The following R3HDM2 variants were observed in gnomAD, a reference collection of about 807,000 sequenced individuals.
R3HDM2 encodes the protein R3H domain-containing protein 2.
A neutral mutation model predicts 124.5 loss-of-function variants in R3HDM2; 38 were observed. The observed-to-expected ratio is 0.31, with a 90% CI of 0.24 to 0.40. R3HDM2 has a LOEUF of 0.40. Among genes scored for constraint, R3HDM2 ranks in the 10% least tolerant of loss-of-function variants. The pLI, the probability that R3HDM2 is intolerant of heterozygous loss-of-function variation, is 1.00. For synonymous variants in R3HDM2, 391 were observed against 448.0 expected (o/e 0.87, Z 1.61); for missense variants, 869 against 1,236.9 (o/e 0.70, Z 4.46).
At chr12:57,278,025 T>C (rs1302400333) in intron 14 of R3HDM2, among the ~76,000 whole-genome samples, 1 of 152,074 alleles carries the variant, frequency 6.6e-6, no homozygotes, top group African/African-American at 2.4e-5. Context: ...AGGAGATACA[T>C]ACAGTGAGAT....
Position 57,303,201 on chromosome 12 carries a change from T to A in R3HDM2, c.182A>T (p.His61Leu). ...CTTGGCTCTTTTCCTGGCATGACCATGGTTAGATGTCCGCCTCTGTTAGAA... is the reference window on the plus strand; with the variant it reads ...CTTGGCTCTTTTCCTGGCATGACCAAGGTTAGATGTCCGCCTCTGTTAGAA... ...RQETQRRTSN[H>L]GHARKRAKSN... Residue 61 changes from histidine to leucine, a missense_variant, in exon 4 of 24, where the codon CAT (histidine) becomes CTT (leucine). By Grantham distance (99) the His-to-Leu change is moderately conservative. Around this residue, in one of 2 missense-constraint regions of R3HDM2, gnomAD observed 267 missense variants for 447.7 expected, o/e 0.60. Coordinates refer to ENST00000402412, the MANE Select transcript of R3HDM2 (RefSeq NM_001394031.1). The A allele has an allele frequency of 6.5e-7, 1 of 1,530,970 alleles. No individual in the cohort carries two copies. Among genetic ancestry groups the A allele is most frequent in the Non-Finnish European group, 8.9e-7 (1 of 1,128,148 alleles). The allele number at this position is 1,530,970 out of a possible 1,614,324, so 94.8% of individuals were successfully genotyped here. A position where few individuals can be genotyped will look rare whatever the true frequency, so the allele number is the denominator to read the frequency against.
In R3HDM2 at chr12:57,283,814, G is replaced by A. The variant is rs764035919; in HGVS notation, c.1171+10C>T. On this transcript the variant is annotated intron_variant, in intron 13 of 23. Transcript: ENST00000402412. ...ATGGGTATGACATGGAAGAAAAGAA[G>A]CTGTAATACCTGGCCTGGAGATCCT... is the stretch of plus-strand genomic sequence containing the variant. The A allele has an allele frequency of 6.2e-7, 1 of 1,611,034 alleles. No individual in the cohort carries two copies.
At position 57,364,067 on chromosome 12, in the gene R3HDM2, A is replaced by G. The variant is rs2062293762; in HGVS notation, c.-36+31682T>C. 2.0e-5 allele frequency among the ~76,000 whole-genome samples: 3 copies of G among 152,054 alleles called. No homozygotes were observed. The South Asian group carries it at 6.2e-4, about 32-fold the overall frequency. ...ATCATTAGCTTGCAATGATTCTAATAAAAAGTTTGCTGTAATTCTTACCTT... is the reference window on the plus strand; with the variant it reads ...ATCATTAGCTTGCAATGATTCTAATGAAAAGTTTGCTGTAATTCTTACCTT... On this transcript the variant is annotated intron_variant, in intron 2 of 23. Transcript: ENST00000402412.
At chr12:57,300,314 A>C in intron 4 of R3HDM2, 133 bp from the exon 5 acceptor site, 1 of 714,986 alleles carries the variant, frequency 1.4e-6, no homozygotes, top group Admixed American at 2.7e-5. Context: ...GTTTCCATTA[A>C]ACAGGGGTTT....
chr12:57,394,725 G>T (rs1455422428), intron 2 of R3HDM2, among the ~76,000 whole-genome samples: 1 of 152,028 alleles, frequency 6.6e-6, no homozygotes, highest in Non-Finnish European at 1.5e-5. Flanking sequence ...GGTCCTATAA[G>T]CAACTCTAAT....
At chr12:57,334,836 G>T (rs922547462) in intron 2 of R3HDM2, among the ~76,000 whole-genome samples, 1 of 152,030 alleles carries the variant, frequency 6.6e-6, no homozygotes, top group Non-Finnish European at 1.5e-5. Context: ...GAGAGCTAAA[G>T]ACTTTAGTTT....
At chr12:57,341,897 T>C (rs1047873661) in intron 2 of R3HDM2, among the ~76,000 whole-genome samples, 8 of 152,190 alleles carry the variant, frequency 5.3e-5, no homozygotes, top group Non-Finnish European at 7.3e-5. Context: ...GAATGAAGCA[T>C]TGCTTGAAAT....
chr12:57,391,478 A>G (rs2066673146), intron 2 of R3HDM2, among the ~76,000 whole-genome samples: 1 of 152,228 alleles, frequency 6.6e-6, no homozygotes, highest in Non-Finnish European at 1.5e-5. Context: ...AAGGGCAACA[A>G]GAAAGATCCT....
intron 2 of R3HDM2, among the ~76,000 whole-genome samples, chr12:57,329,917 T>C (rs575557342): frequency 6.6e-6 from 1 of 152,334 alleles, no homozygotes; most frequent in African/African-American, 2.4e-5. Context: ...TATTTTATTG[T>C]TTTTGATGCT....
Position 57,413,800 on chromosome 12 carries a change from A to T in R3HDM2, c.-106+16920T>A, listed in dbSNP as rs180794131. ...CTCAGGTTAGACACTTTATTGCTCA[A>T]GCACATCTGGGAAGACACAGAGAGT... On this transcript the variant is annotated intron_variant, in intron 1 of 23. Transcript: ENST00000402412. Among the ~76,000 whole-genome samples, 6 of 151,946 alleles carry T rather than the reference A, an allele frequency of 3.9e-5. No homozygotes were observed. The East Asian group carries it at 1.2e-3, about 30-fold the overall frequency.
At position 57,310,114 on chromosome 12, in the gene R3HDM2, C is replaced by T. The variant is rs1452878289; in HGVS notation, c.165+150G>A. 23 of 506,684 alleles carry T rather than the reference C, an allele frequency of 4.5e-5. No individual in the cohort carries two copies. In the South Asian group the frequency reaches 5.7e-4, roughly 13 times the overall value. 31.4% of individuals were successfully genotyped at this position (506,684 alleles called of 1,614,324 possible). A position where few individuals can be genotyped will look rare whatever the true frequency, so the allele number is the denominator to read the frequency against. ...TAGTCCCAGCTACTTGGGAGGCTGACGTGGGAGGATCTCTTGATGCAGGAG... is the reference window on the plus strand; with the variant it reads ...TAGTCCCAGCTACTTGGGAGGCTGATGTGGGAGGATCTCTTGATGCAGGAG... On this transcript the variant is annotated intron_variant, in intron 3 of 23. Transcript: ENST00000402412.
rs768836790 is a variant in R3HDM2, at chr12:57,258,892, G to C, written c.2299C>G (p.Gln767Glu). The C allele has an allele frequency of 1.2e-5, 19 of 1,571,076 alleles. No homozygotes were observed. Among genetic ancestry groups the C allele is most frequent in the Non-Finnish European group, 1.6e-5 (18 of 1,158,642 alleles). The change falls in exon 20 of 24, where the codon CAG becomes GAG. Residue 767 changes from glutamine (Q) to glutamate (E), a missense_variant and splice_region_variant. By Grantham distance (29) the Gln-to-Glu change is conservative. Coordinates refer to ENST00000402412, the MANE Select transcript of R3HDM2 (RefSeq NM_001394031.1). ...ACAAGGCTGAGTGCTGCACTCACCT[G>C]GGGGCTGCTGTCAGGACTGTACAGG... ...GDLYSPDSSPQANTQMSSSPV... is the reference protein window; with the variant it reads ...GDLYSPDSSPEANTQMSSSPV...
At chr12:57,271,200 C>T (rs1025067288) in intron 14 of R3HDM2, among the ~76,000 whole-genome samples, 5 of 152,186 alleles carry the variant, frequency 3.3e-5, no homozygotes, top group African/African-American at 1.2e-4. Context: ...CCTTTGTTCT[C>T]TGACACTAGC....
At chr12:57,353,850 TTTTTTTTA>T (rs1318348842) in intron 2 of R3HDM2, among the ~76,000 whole-genome samples, 5 of 148,974 alleles carry the variant, frequency 3.4e-5, no homozygotes, top group Non-Finnish European at 6.1e-5. Context: ...TAAAAATATG[TTTTTTTTA>T]TTTTTTTATT....
intron 14 of R3HDM2, among the ~76,000 whole-genome samples, chr12:57,272,748 T>C (rs1223497506): frequency 6.6e-6 from 1 of 152,136 alleles, no homozygotes; most frequent in Non-Finnish European, 1.5e-5. Context: ...CGGGACAGCT[T>C]GAAGATTTAA....
At chr12:57,427,244 TCG>T (rs2070827276) in intron 1 of R3HDM2, among the ~76,000 whole-genome samples, 2 of 150,782 alleles carry the variant, frequency 1.3e-5, no homozygotes, top group African/African-American at 4.9e-5. Context: ...TGAGCTGACA[TCG>T]TGCCACTGCA....
intron 14 of R3HDM2, among the ~76,000 whole-genome samples, chr12:57,272,957 C>G (rs1355043042): frequency 6.6e-6 from 1 of 152,146 alleles, no homozygotes; most frequent in Non-Finnish European, 1.5e-5. Flanking sequence ...ATGATCATAA[C>G]CCTCCTTGAC....
chr12:57,306,864 A>C (rs2052709521), intron 3 of R3HDM2, among the ~76,000 whole-genome samples: 1 of 152,158 alleles, frequency 6.6e-6, no homozygotes, highest in South Asian at 2.1e-4. Context: ...AAAATACAAA[A>C]ATTAGCCAGG....
intron 12 of R3HDM2, 181 bp downstream of exon 12, chr12:57,288,828 A>G (rs1314648402): frequency 1.3e-6 from 2 of 1,512,232 alleles, no homozygotes; most frequent in East Asian, 4.9e-5. Flanking sequence ...TAAAAATAAA[A>G]AGGAGAGATA....
Sources: allele counts gnomAD v4.1 joint callset (sites outside exome capture counted in the v4.1 genomes callset), GRCh38; gene constraint gnomAD v4.1.1; regional missense constraint gnomAD v4.1.1; transcripts MANE v1.5; gene names NCBI Gene and HGNC (gene_info 2026-07-23, HGNC 2026-07-21).